Variants in PSMA5 observed in about 807,000 individuals in gnomAD.
The protein encoded by PSMA5 is proteasome subunit alpha type-5.
PSMA5 carries 3 observed loss-of-function variants against 34.5 expected under a neutral mutation model. That is an observed-to-expected ratio of 0.09 (90% CI 0.04 to 0.22). The LOEUF is 0.22. PSMA5 is among the 10% of genes least tolerant of loss of function. PSMA5 has a pLI of 1.00. For synonymous variants in PSMA5, 88 were observed against 95.8 expected (o/e 0.92, Z 0.47); for missense variants, 120 against 286.1 (o/e 0.42, Z 4.19).
At chr1:109,413,651 A>G (rs879559258) in intron 3 of PSMA5, among the ~76,000 whole-genome samples, 11 of 152,202 alleles carry the variant, frequency 7.2e-5, no homozygotes, top group Admixed American at 5.9e-4. Context: ...TATAACTGTT[A>G]TTGTACATGC....
Position 109,421,904 on chromosome 1 carries a change from C to T in PSMA5, c.52G>A (p.Glu18Lys). 6.5e-7 allele frequency: 1 copy of T among 1,532,546 alleles called. No individual in the cohort carries two copies. Among genetic ancestry groups the T allele is most frequent in the Non-Finnish European group, 8.7e-7 (1 of 1,150,792 alleles). 94.9% of individuals were successfully genotyped at this position (1,532,546 alleles called of 1,614,324 possible). A position where few individuals can be genotyped will look rare whatever the true frequency, so the allele number is the denominator to read the frequency against. Residue 18 changes from glutamate (E) to lysine (K), a missense_variant, in exon 2 of 9, where the codon GAA becomes AAA. This residue lies in a region of PSMA5 where 17 missense variants were observed against 63.5 expected (regional missense o/e 0.27). Transcript: ENST00000271308. ...YDRGVNTFSPEGRLFQVEYAI... is the reference protein window; with the variant it reads ...YDRGVNTFSPKGRLFQVEYAI... ...TATTCCACTTGAAATAATCTTCCTT[C>T]GGGAGAAAAAGTATTCACGCCCCTA...
chr1:109,415,483 C>T lies in PSMA5; in HGVS notation c.97-120G>A, dbSNP rs780740728. On this transcript the variant is annotated intron_variant, in intron 2 of 8. Transcript: ENST00000271308. ...ACTTCAACTGGCCACATCTTATAGGCAGAGAGAAGGAGCACCCTAACATAC... is the reference window on the plus strand; with the variant it reads ...ACTTCAACTGGCCACATCTTATAGGTAGAGAGAAGGAGCACCCTAACATAC... 6 of 1,045,994 alleles carry T rather than the reference C, an allele frequency of 5.7e-6. No homozygotes were observed. In the South Asian group the frequency reaches 1.6e-4, roughly 27 times the overall value. The allele number at this position is 1,045,994 out of a possible 1,614,324, so 64.8% of individuals were successfully genotyped here. A position where few individuals can be genotyped will look rare whatever the true frequency, so the allele number is the denominator to read the frequency against.
chr1:109,409,089 T>A (rs10745355), intron 8 of PSMA5, among the ~76,000 whole-genome samples: 1 of 152,048 alleles, frequency 6.6e-6, no homozygotes, highest in South Asian at 2.1e-4. Context: ...TATCTTCTGC[T>A]GACACTAATC....
At chr1:109,402,502 G>T (rs984352171) in intron 8 of PSMA5, among the ~76,000 whole-genome samples, 2 of 152,052 alleles carry the variant, frequency 1.3e-5, no homozygotes, top group Non-Finnish European at 2.9e-5. Flanking sequence ...AGGTTACTTG[G>T]CCACTCTGTG....
intron 1 of PSMA5, among the ~76,000 whole-genome samples, chr1:109,422,559 G>GC (rs1654487391): frequency 6.8e-6 from 1 of 147,238 alleles, no homozygotes; most frequent in Non-Finnish European, 1.5e-5. Flanking sequence ...TGTAACCTCC[G>GC]CCTCCTGGGT....
intron 8 of PSMA5, among the ~76,000 whole-genome samples, chr1:109,403,946 T>C (rs1201600797): frequency 6.6e-6 from 1 of 152,306 alleles, no homozygotes; most frequent in East Asian, 1.9e-4. Context: ...CAAATATATC[T>C]GCAAAATATA....
intron 1 of PSMA5, among the ~76,000 whole-genome samples, chr1:109,423,585 T>G (rs946557739): frequency 6.6e-6 from 1 of 152,208 alleles, no homozygotes; most frequent in African/African-American, 2.4e-5. Flanking sequence ...CCTTGCAAAA[T>G]TGACTTCATC....
At chr1:109,403,619 G>A (rs934975076) in intron 8 of PSMA5, among the ~76,000 whole-genome samples, 2 of 151,960 alleles carry the variant, frequency 1.3e-5, no homozygotes, top group Non-Finnish European at 2.9e-5. Context: ...GACAGAAAGA[G>A]GCTCTGTCTA....
chr1:109,425,983 CAA>C, intron 1 of PSMA5: 3 of 508,716 alleles, frequency 5.9e-6, no homozygotes, highest in Admixed American at 3.1e-5. Flanking sequence ...ATGAACGGAG[CAA>C]AGAGTGACCC....
chr1:109,413,166 G>A lies in PSMA5; in HGVS notation c.224-31C>T, dbSNP rs762174978. 10 of 1,601,240 alleles carry A rather than the reference G, an allele frequency of 6.2e-6. No homozygotes were observed. In the South Asian group the frequency reaches 9.9e-5, roughly 16 times the overall value. On this transcript the variant is annotated intron_variant, in intron 3 of 8. Coordinates refer to ENST00000271308, the MANE Select transcript of PSMA5 (RefSeq NM_002790.4). ...ATGTAAAAGCGACAGTGACCCAGTG[G>A]CCAAATCCTTGTAAAACTCTTTCAT...
intron 1 of PSMA5, among the ~76,000 whole-genome samples, chr1:109,423,608 A>G (rs547181843): frequency 1.8e-4 from 28 of 152,318 alleles, no homozygotes; most frequent in African/African-American, 6.7e-4. Flanking sequence ...CTGCCATTCC[A>G]ATTTCAGTTT....
In PSMA5 at chr1:109,413,367, G is replaced by A. The variant is rs1654069904; in HGVS notation, c.224-232C>T. 2.6e-5 allele frequency among the ~76,000 whole-genome samples: 4 copies of A among 152,226 alleles called. No homozygotes were observed. The South Asian group carries it at 8.3e-4, about 32-fold the overall frequency. On this transcript the variant is annotated intron_variant, in intron 3 of 8. Coordinates refer to ENST00000271308, the MANE Select transcript of PSMA5 (RefSeq NM_002790.4). ...ACAGAAGTCCAGACGATAAAAATAAGCCCAGAGAAAAGCAGCTAACCAAAC... is the reference window on the plus strand; with the variant it reads ...ACAGAAGTCCAGACGATAAAAATAAACCCAGAGAAAAGCAGCTAACCAAAC...
In PSMA5 at chr1:109,422,482, C is replaced by CTTT. The variant is rs35947865; in HGVS notation, c.30-559_30-557dup. ...CAATCTCTATAAAACACAGTTATTA[C>CTTT]TTTTTTTTTTTTTTTTTTGAGACAG... On this transcript the variant is annotated intron_variant, in intron 1 of 8. Transcript: ENST00000271308. Among the ~76,000 whole-genome samples the CTTT allele has an allele frequency of 1.0e-3, 124 of 123,912 alleles. 1 individual carries two copies. Among genetic ancestry groups the CTTT allele is most frequent in the African/African-American group, 3.3e-3 (117 of 35,434 alleles). 81.3% of individuals were successfully genotyped at this position (123,912 alleles called of 152,430 possible). A position where few individuals can be genotyped will look rare whatever the true frequency, so the allele number is the denominator to read the frequency against.
rs1046846409 is a variant in PSMA5 at position 109,400,642 on chromosome 1, G to C, written c.*1371C>G. On this transcript the variant is annotated 3_prime_UTR_variant, in exon 9 of 9. Transcript: ENST00000271308. ...TCTGCTTTCCTTATGTGTTATTCTA[G>C]GGCAAAATCCCTTTCTTCCAAATGT... 2 of 152,130 alleles carry C rather than the reference G, an allele frequency of 1.3e-5. No individual in the cohort carries two copies. The highest frequency in any genetic ancestry group is 4.8e-5 in the African/African-American group (2 of 41,418). 9.4% of individuals were successfully genotyped at this position (152,130 alleles called of 1,614,324 possible). A position where few individuals can be genotyped will look rare whatever the true frequency, so the allele number is the denominator to read the frequency against.
chr1:109,403,011 GT>G (rs1293414999), intron 8 of PSMA5, among the ~76,000 whole-genome samples: 1 of 152,016 alleles, frequency 6.6e-6, no homozygotes, highest in South Asian at 2.1e-4. Flanking sequence ...GGCCTGTTAC[GT>G]TTTTTTAAAA....
At chr1:109,424,747 G>T (rs1024689447) in intron 1 of PSMA5, among the ~76,000 whole-genome samples, 1 of 152,192 alleles carries the variant, frequency 6.6e-6, no homozygotes, top group Non-Finnish European at 1.5e-5. Context: ...CCAGCACTTT[G>T]GGAGGCCAAG....
intron 3 of PSMA5, chr1:109,414,790 T>C (rs1196230015): frequency 6.5e-6 from 1 of 153,160 alleles, no homozygotes; most frequent in Non-Finnish European, 1.5e-5. Flanking sequence ...TGCCATTCTA[T>C]AAATAAGTAG....
intron 8 of PSMA5, among the ~76,000 whole-genome samples, chr1:109,406,332 T>C (rs538053805): frequency 3.9e-5 from 6 of 152,128 alleles, no homozygotes; most frequent in South Asian, 2.1e-4. Flanking sequence ...GGTGAAAAAA[T>C]AGGATGGATG....
In PSMA5 at chr1:109,401,958, A is replaced by G; in HGVS notation, c.*55T>C. 2 of 1,354,516 alleles carry G rather than the reference A, an allele frequency of 1.5e-6. No homozygotes were observed. Among genetic ancestry groups the G allele is most frequent in the South Asian group, 2.5e-5 (2 of 81,130 alleles). The allele number at this position is 1,354,516 out of a possible 1,614,324, so 83.9% of individuals were successfully genotyped here. A position where few individuals can be genotyped will look rare whatever the true frequency, so the allele number is the denominator to read the frequency against. Reference sequence around the variant, plus strand: ...GGAACAGGAGCTGGAAATAAAATTTAAGGACATTATTAGAACTGAAATTGT... The same window carrying G: ...GGAACAGGAGCTGGAAATAAAATTTGAGGACATTATTAGAACTGAAATTGT... On this transcript the variant is annotated 3_prime_UTR_variant, in exon 9 of 9. Coordinates refer to ENST00000271308, the MANE Select transcript of PSMA5 (RefSeq NM_002790.4).
Sources: gnomAD v4.1 joint callset for allele counts (sites outside exome capture counted in the v4.1 genomes callset) on GRCh38, gnomAD v4.1.1 for gene constraint, gnomAD v4.1.1 regional missense constraint, MANE v1.5 for transcripts, NCBI Gene and HGNC (gene_info 2026-07-23, HGNC 2026-07-21) for gene names.